PDE4D: variants seen among roughly 807,000 people sequenced by gnomAD.
PDE4D encodes the protein 3',5'-cyclic-AMP phosphodiesterase 4D.
In PDE4D, 24 loss-of-function variants were observed where a neutral mutation model predicts 87.4. That is an observed-to-expected ratio of 0.27 (90% CI 0.20 to 0.39). The LOEUF (loss-of-function observed/expected upper bound fraction) is 0.39. Among genes scored for constraint, PDE4D ranks in the 10% least tolerant of loss-of-function variants. The pLI is 1.00. For missense variants in PDE4D, 714 were observed against 1,041.0 expected, an observed-to-expected ratio of 0.69 and a Z score of 4.32; for synonymous variants, 384 against 383.2, an observed-to-expected ratio of 1.00 and a Z score of -0.02.
intron 1 of PDE4D, among the ~76,000 whole-genome samples, chr5:59,739,373 T>C (rs528491753): frequency 1.3e-5 from 2 of 152,070 alleles, no homozygotes; most frequent in Non-Finnish European, 2.9e-5. Context: ...TGAGCCAAGA[T>C]TGTGCCACTG....
At chr5:60,338,864 G>A (rs1261232206) in intron 1 of PDE4D, among the ~76,000 whole-genome samples, 1 of 152,094 alleles carries the variant, frequency 6.6e-6, no homozygotes, top group Non-Finnish European at 1.5e-5. Flanking sequence ...AGCACCATTA[G>A]TATCCAGGGG....
intron 3 of PDE4D, among the ~76,000 whole-genome samples, chr5:59,963,809 C>CTGCCTTGAGTTTTCAGCTCAAAAA (rs1759732483): frequency 6.6e-6 from 1 of 152,072 alleles, no homozygotes; most frequent in African/African-American, 2.4e-5. Context: ...GGCTTGTTTC[C>CTGCCTTGAGTTTTCAGCTCAAAAA]TGCCTTGAGT....
intron 5 of PDE4D, chr5:59,039,897 G>T (rs1001172371): frequency 2.6e-5 from 4 of 152,390 alleles, no homozygotes; most frequent in African/African-American, 4.8e-5. Flanking sequence ...CGCCGTCCGG[G>T]GTCGCGCCCG....
chr5:59,316,899 T>A (rs1773855537), intron 1 of PDE4D, among the ~76,000 whole-genome samples: 1 of 152,168 alleles, frequency 6.6e-6, no homozygotes, highest in African/African-American at 2.4e-5. Flanking sequence ...AGAAATTCTG[T>A]CCTTAGACAC....
intron 1 of PDE4D, chr5:59,587,671 G>A (rs1825368962): frequency 2.3e-5 from 22 of 966,656 alleles, no homozygotes; most frequent in Non-Finnish European, 2.6e-5. Flanking sequence ...GACAGGGGAT[G>A]TGCTGGCGTC....
chr5:59,513,065 T>A (rs981604172), intron 1 of PDE4D, among the ~76,000 whole-genome samples: 4 of 152,184 alleles, frequency 2.6e-5, no homozygotes, highest in African/African-American at 9.6e-5. Flanking sequence ...AAAATATTCA[T>A]CTTAAACCAT....
rs751035551 is a variant in PDE4D, at chr5:59,215,834, CT to C, written c.589del (p.Ser197AlafsTer25). On this transcript the variant is annotated frameshift_variant, in exon 2 of 15. Coordinates refer to ENST00000340635, the MANE Select transcript of PDE4D (RefSeq NM_001104631.2). LOFTEE classifies it high-confidence loss of function. Reference protein sequence around the residue: ...RRESFLYRSDSDYDLSPKSMS... With the variant: ...RRESFLYRSDXDYDLSPKSMS... Reference sequence around the variant, plus strand: ...AGACTTTGGAGAGAGGTCATAATCGCTGTCGGATCGATACAGGAAGGACTCC... The same window carrying C: ...AGACTTTGGAGAGAGGTCATAATCGCGTCGGATCGATACAGGAAGGACTCC... 6.2e-7 allele frequency: 1 copy of C among 1,613,580 alleles called. No homozygotes were observed. Among genetic ancestry groups the C allele is most frequent in the Non-Finnish European group, 8.5e-7 (1 of 1,179,708 alleles).
chr5:59,133,908 C>A (rs1341490588), intron 5 of PDE4D, among the ~76,000 whole-genome samples: 1 of 152,030 alleles, frequency 6.6e-6, no homozygotes, highest in Non-Finnish European at 1.5e-5. Flanking sequence ...AAAAATTGCT[C>A]ACCCTTTCTT....
intron 1 of PDE4D, among the ~76,000 whole-genome samples, chr5:59,707,039 A>T (rs1753516650): frequency 6.6e-6 from 1 of 152,234 alleles, no homozygotes; most frequent in Non-Finnish European, 1.5e-5. Flanking sequence ...AACTTAATGC[A>T]TGAAGTAACC....
chr5:59,983,487 A>G (rs1468795041), intron 3 of PDE4D, among the ~76,000 whole-genome samples: 1 of 152,202 alleles, frequency 6.6e-6, no homozygotes, highest in Non-Finnish European at 1.5e-5. Flanking sequence ...CAAAATACTC[A>G]TGTCTAGAAT....
intron 2 of PDE4D, among the ~76,000 whole-genome samples, chr5:60,177,141 C>G (rs187236881): frequency 6.6e-6 from 1 of 152,192 alleles, no homozygotes; most frequent in Non-Finnish European, 1.5e-5. Context: ...CCGCCTGGAA[C>G]TGGTTATAAT....
chr5:60,115,260 G>A (rs770677106), intron 2 of PDE4D, among the ~76,000 whole-genome samples: 8 of 152,004 alleles, frequency 5.3e-5, no homozygotes, highest in Non-Finnish European at 1.0e-4. Context: ...CCATTTCATA[G>A]GCAGTGCTGG....
intron 2 of PDE4D, among the ~76,000 whole-genome samples, chr5:59,209,661 G>T (rs1749652998): frequency 6.6e-6 from 1 of 152,164 alleles, no homozygotes; most frequent in African/African-American, 2.4e-5. Flanking sequence ...ATAAGGTTTT[G>T]TTCTAACAAT....
chr5:60,050,029 G>C (rs997543157), intron 2 of PDE4D, among the ~76,000 whole-genome samples: 1 of 152,174 alleles, frequency 6.6e-6, no homozygotes, highest in East Asian at 1.9e-4. Flanking sequence ...CTCTGTTGGC[G>C]TAGGACCCTC....
chr5:59,007,523 A>G (rs533249380), intron 6 of PDE4D, among the ~76,000 whole-genome samples: 1 of 152,300 alleles, frequency 6.6e-6, no homozygotes, highest in South Asian at 2.1e-4. Context: ...TTGATTCATA[A>G]CCAATATTTT....
chr5:59,960,542 C>A (rs1759351080), intron 3 of PDE4D, among the ~76,000 whole-genome samples: 1 of 152,146 alleles, frequency 6.6e-6, no homozygotes, highest in Non-Finnish European at 1.5e-5. Context: ...AACAAAATCA[C>A]ATCCTTTGAA....
intron 1 of PDE4D, among the ~76,000 whole-genome samples, chr5:60,332,287 T>G (rs1260844448): frequency 6.6e-6 from 1 of 152,196 alleles, no homozygotes; most frequent in Non-Finnish European, 1.5e-5. Flanking sequence ...GTTGTCCAGA[T>G]AGTGAACATA....
intron 1 of PDE4D, among the ~76,000 whole-genome samples, chr5:60,313,867 A>G (rs910655369): frequency 6.6e-6 from 1 of 152,236 alleles, no homozygotes; most frequent in Admixed American, 6.5e-5. Context: ...TAGATGAGGA[A>G]AAAGCTTTCA....
intron 1 of PDE4D, among the ~76,000 whole-genome samples, chr5:60,477,841 T>C (rs77263288): frequency 0.036 from 5,531 of 152,222 alleles, 114 homozygotes; most frequent in Middle Eastern, 0.088. Flanking sequence ...GGAAGGAGCA[T>C]TGACTTTACC....
Sources: gnomAD v4.1 joint callset for allele counts (sites outside exome capture counted in the v4.1 genomes callset) on GRCh38, gnomAD v4.1.1 for gene constraint, MANE v1.5 for transcripts, NCBI Gene and HGNC (gene_info 2026-07-23, HGNC 2026-07-21) for gene names.